The following ZFHX3 variants were observed in gnomAD, a reference collection of about 807,000 sequenced individuals.
ZFHX3 encodes the protein zinc finger homeobox 3.
ZFHX3 carries 42 observed loss-of-function variants against 279.1 expected under a neutral mutation model. That is an observed-to-expected ratio of 0.15 (90% CI 0.12 to 0.19). ZFHX3 has a LOEUF of 0.19. Among genes scored for constraint, ZFHX3 ranks in the 10% least tolerant of loss-of-function variants. ZFHX3 has a pLI of 1.00. For missense variants in ZFHX3, 4,981 were observed against 4,754.0 expected (o/e 1.05, Z -1.40); for synonymous variants, 2,293 against 1,957.8 (o/e 1.17, Z -4.52).
chr16:73,209,386 A>G (rs2011927342), intron 5 of ZFHX3, among the ~76,000 whole-genome samples: 1 of 152,146 alleles, frequency 6.6e-6, no homozygotes, highest in Non-Finnish European at 1.5e-5. Flanking sequence ...TGGGAAGTCC[A>G]AGGTCAAGGC....
intron 3 of ZFHX3, among the ~76,000 whole-genome samples, chr16:72,894,388 C>T (rs1321613065): frequency 6.6e-6 from 1 of 152,190 alleles, no homozygotes; most frequent in African/African-American, 2.4e-5. Context: ...TTCTCCACAT[C>T]ATTCGGCCAT....
Position 73,529,107 on chromosome 16 carries a change from T to A in ZFHX3, c.-1546-72849A>T, listed in dbSNP as rs115687088. Among the ~76,000 whole-genome samples, 493 of 152,302 alleles carry A rather than the reference T, an allele frequency of 3.2e-3. 5 individuals are homozygous for A. Among genetic ancestry groups the A allele is most frequent in the African/African-American group, 0.011 (457 of 41,570 alleles). On this transcript the variant is annotated intron_variant, in intron 2 of 17. Transcript: ENST00000641206. ...TCGTGATGAGGCTAGAGGTGGGCAG[T>A]TTTTCCTCTACTTTGAAAATAGAGT...
At chr16:73,099,832 C>A (rs1966210005) in intron 7 of ZFHX3, among the ~76,000 whole-genome samples, 1 of 152,020 alleles carries the variant, frequency 6.6e-6, no homozygotes, top group Admixed American at 6.6e-5. Context: ...TCAGAGTCAT[C>A]TGGGTCATCG....
rs1300833190 is a variant in ZFHX3 at position 72,915,042 on chromosome 16, C to G, written c.3217-25080G>C. Among the ~76,000 whole-genome samples, 3 of 152,072 alleles carry G rather than the reference C, an allele frequency of 2.0e-5. No individual in the cohort carries two copies. In the East Asian group the frequency reaches 5.8e-4, roughly 29 times the overall value. On this transcript the variant is annotated intron_variant, in intron 3 of 9. Coordinates refer to ENST00000268489, the MANE Select transcript of ZFHX3 (RefSeq NM_006885.4). ...AAAAACACATAGGCTAACAAGTAGCCTACGTTATTCAAAATTCAAAATTCC... is the reference window on the plus strand; with the variant it reads ...AAAAACACATAGGCTAACAAGTAGCGTACGTTATTCAAAATTCAAAATTCC...
At chr16:73,054,536 G>C (rs1364238619) in intron 1 of ZFHX3, among the ~76,000 whole-genome samples, 3 of 144,814 alleles carry the variant, frequency 2.1e-5, no homozygotes, top group Non-Finnish European at 3.0e-5. Context: ...TCAAGAGTTT[G>C]AATTCTAGCT....
intron 4 of ZFHX3, among the ~76,000 whole-genome samples, chr16:73,296,877 A>ATGTTTTGTTTT (rs755308796): frequency 8.6e-6 from 1 of 116,068 alleles, no homozygotes; most frequent in Non-Finnish European, 1.7e-5. Context: ...TGAAGCAGGA[A>ATGTTTTGTTTT]TTTTTTTTTT....
intron 2 of ZFHX3, among the ~76,000 whole-genome samples, chr16:73,542,576 G>A (rs927507578): frequency 4.6e-5 from 7 of 152,198 alleles, no homozygotes; most frequent in African/African-American, 1.2e-4. Context: ...ATGATAAGGC[G>A]TTTTTGTAAG....
intron 5 of ZFHX3, among the ~76,000 whole-genome samples, chr16:73,203,754 G>T (rs2011687721): frequency 6.6e-6 from 1 of 152,156 alleles, no homozygotes; most frequent in Non-Finnish European, 1.5e-5. Flanking sequence ...CAGTATATAG[G>T]CTGTACTAAG....
intron 5 of ZFHX3, among the ~76,000 whole-genome samples, chr16:73,189,977 A>G (rs1967993822): frequency 6.6e-6 from 1 of 152,222 alleles, no homozygotes; most frequent in African/African-American, 2.4e-5. Context: ...AAGACACACA[A>G]TTGAGAAATG....
chr16:73,054,352 G>A (rs945050383), intron 1 of ZFHX3, among the ~76,000 whole-genome samples: 45 of 151,682 alleles, frequency 3.0e-4, no homozygotes, highest in Middle Eastern at 6.9e-3. Context: ...CCACCAGCCC[G>A]GTTCCCCTCC....
At chr16:73,611,185 A>G (rs555986789) in intron 2 of ZFHX3, among the ~76,000 whole-genome samples, 1 of 152,274 alleles carries the variant, frequency 6.6e-6, no homozygotes, top group Admixed American at 6.5e-5. Flanking sequence ...ACTGTCCACA[A>G]GCTTCCCGGG....
At chr16:72,814,018 G>C (rs1325153255) in intron 5 of ZFHX3, among the ~76,000 whole-genome samples, 1 of 152,122 alleles carries the variant, frequency 6.6e-6, no homozygotes, top group Non-Finnish European at 1.5e-5. Context: ...TTTGCTTAGT[G>C]GTTATCTTCT....
At position 72,959,267 on chromosome 16, in the gene ZFHX3, G is replaced by A. The variant is rs183134469; in HGVS notation, c.879C>T (p.Tyr293=). ...CCGCGTGGGTCACAAACGAACGGAC[G>A]TACCCAAAGGAGAGTTTGCACAAGA... ...MCFLCKLSFG[Y]VRSFVTHAVH... The change falls in exon 2 of 10, where the codon TAC becomes TAT. Residue 293 remains tyrosine, a synonymous_variant. Transcript: ENST00000268489. The A allele has an allele frequency of 3.7e-5, 59 of 1,614,208 alleles. No homozygotes were observed. The East Asian group carries it at 6.5e-4, about 18-fold the overall frequency.
chr16:73,814,090 A>G (rs938884462), intron 1 of ZFHX3, among the ~76,000 whole-genome samples: 3 of 152,236 alleles, frequency 2.0e-5, no homozygotes, highest in African/African-American at 2.4e-5. Flanking sequence ...GCAATTAAAA[A>G]TGTATATAAT....
At chr16:72,981,290 T>C (rs993578520) in intron 1 of ZFHX3, among the ~76,000 whole-genome samples, 1 of 152,200 alleles carries the variant, frequency 6.6e-6, no homozygotes, top group Admixed American at 6.5e-5. Flanking sequence ...ACAGCCTTTA[T>C]AAGTGGTAGC....
intron 5 of ZFHX3, among the ~76,000 whole-genome samples, chr16:73,237,412 A>AT (rs35932916): frequency 6.6e-6 from 1 of 151,108 alleles, no homozygotes; most frequent in South Asian, 2.1e-4. Flanking sequence ...TGCCCAGCTA[A>AT]TTTTTTTTAA....
chr16:72,797,405 CTCCTGCTGCAGG>C lies in ZFHX3; in HGVS notation c.5265_5276del (p.His1755_Glu1759delinsGln). On this transcript the variant is annotated inframe_deletion, in exon 9 of 10. Transcript: ENST00000268489. ...GGATCAGGGCAGCCTGTTGCTGCAGCTCCTGCTGCAGGTGAGCTTGAACTTGAGCCTGGGCCT... is the reference window on the plus strand; with the variant it reads ...GGATCAGGGCAGCCTGTTGCTGCAGCTGAGCTTGAACTTGAGCCTGGGCCT... 1 of 1,610,672 alleles carries C rather than the reference CTCCTGCTGCAGG, an allele frequency of 6.2e-7. No homozygotes were observed. Among genetic ancestry groups the C allele is most frequent in the Non-Finnish European group, 8.5e-7 (1 of 1,178,534 alleles).
intron 3 of ZFHX3, among the ~76,000 whole-genome samples, chr16:73,347,277 C>T (rs776262701): frequency 3.3e-5 from 5 of 152,232 alleles, no homozygotes; most frequent in South Asian, 2.1e-4. Context: ...ATCCTCAGCC[C>T]GGAGGGAATT....
intron 3 of ZFHX3, among the ~76,000 whole-genome samples, chr16:72,935,733 T>C (rs1597392423): frequency 7.1e-6 from 1 of 141,148 alleles, no homozygotes; most frequent in Non-Finnish European, 1.5e-5. Flanking sequence ...CACTCTGTCT[T>C]AAAAAAAAAA....
Sources: gnomAD v4.1 joint callset for allele counts (sites outside exome capture counted in the v4.1 genomes callset) on GRCh38, gnomAD v4.1.1 for gene constraint, MANE v1.5 for transcripts, NCBI Gene and HGNC (gene_info 2026-07-23, HGNC 2026-07-21) for gene names.